Variants in RREB1 observed in about 807,000 individuals in gnomAD.
The protein encoded by RREB1 is ras-responsive element-binding protein 1.
A neutral mutation model predicts 117.8 loss-of-function variants in RREB1; 27 were observed. That is an observed-to-expected ratio of 0.23 (90% CI 0.17 to 0.32). The LOEUF (loss-of-function observed/expected upper bound fraction) is 0.32. Ranked by LOEUF, RREB1 falls within the 10% of genes least tolerant of loss-of-function variation. The pLI is 1.00. For missense variants in RREB1, 2,577 were observed against 2,378.2 expected, an observed-to-expected ratio of 1.08 and a Z score of -1.74; for synonymous variants, 1,298 against 1,026.7, an observed-to-expected ratio of 1.26 and a Z score of -5.05.
Position 7,210,904 on chromosome 6 carries a change from C to G in RREB1, c.526C>G (p.His176Asp). 2 of 1,614,168 alleles carry G rather than the reference C, an allele frequency of 1.2e-6. No homozygotes were observed. The highest frequency in any genetic ancestry group is 1.7e-6 in the Non-Finnish European group (2 of 1,180,020). Reference protein sequence around the residue: ...RRLSSKRKLSHDAESEREDPA... With the variant: ...RRLSSKRKLSDDAESEREDPA... The stretch of plus-strand genomic sequence containing the variant: ...ATTGTCCTCCAAGAGGAAACTGAGT[C>G]ACGATGCCGAGTCAGAGAGAGAAGA... Residue 176 changes from histidine (H) to aspartate (D), a missense_variant, in exon 7 of 13, where the codon CAC (histidine) becomes GAC (aspartate). Transcript: ENST00000379938.
chr6:7,200,267 TG>T (rs1561776924), intron 6 of RREB1, among the ~76,000 whole-genome samples: 11 of 138,552 alleles, frequency 7.9e-5, no homozygotes, highest in East Asian at 2.2e-4. Context: ...TGTGTGTGTG[TG>T]TGTGTGTGTG....
At position 7,249,146 on chromosome 6, in the gene RREB1, C is replaced by T. The variant is rs529714355; in HGVS notation, c.*178C>T. ...TGCTCGCTCAGTGCCATAGCCTTAC[C>T]GCAGCCTGCGCGGGAGGCCACAGCC... On this transcript the variant is annotated 3_prime_UTR_variant, in exon 13 of 13. Transcript: ENST00000379938. 6.2e-5 allele frequency: 36 copies of T among 579,882 alleles called. No homozygotes were observed. The highest frequency in any genetic ancestry group is 2.8e-4 in the Admixed American group (8 of 28,634). 35.9% of individuals were successfully genotyped at this position (579,882 alleles called of 1,614,324 possible). A position where few individuals can be genotyped will look rare whatever the true frequency, so the allele number is the denominator to read the frequency against.
chr6:7,112,327 C>G (rs1054266164), intron 1 of RREB1, among the ~76,000 whole-genome samples: 1 of 152,110 alleles, frequency 6.6e-6, no homozygotes, highest in Non-Finnish European at 1.5e-5. Context: ...GAATGGTAAG[C>G]CTGTTGTAAG....
rs773491966 is a variant in RREB1 at position 7,231,922 on chromosome 6, G to A, written c.3808+15G>A. The A allele has an allele frequency of 1.4e-4, 221 of 1,565,554 alleles. No homozygotes were observed. Among genetic ancestry groups the A allele is most frequent in the Admixed American group, 9.1e-4 (51 of 56,092 alleles). On this transcript the variant is annotated intron_variant, in intron 10 of 12. Coordinates refer to ENST00000379938, the MANE Select transcript of RREB1 (RefSeq NM_001003699.4). ...CACACACACTGGTAAGAGGGCCACC[G>A]GGCTCCCAGGCAGTGAGTCCTACTT...
chr6:7,249,087 G>C lies in RREB1; in HGVS notation c.*119G>C. 6 of 790,034 alleles carry C rather than the reference G, an allele frequency of 7.6e-6. No homozygotes were observed. Among genetic ancestry groups the C allele is most frequent in the Non-Finnish European group, 9.7e-6 (5 of 517,854 alleles). 48.9% of individuals were successfully genotyped at this position (790,034 alleles called of 1,614,324 possible). On this transcript the variant is annotated 3_prime_UTR_variant, in exon 13 of 13. Coordinates refer to ENST00000379938, the MANE Select transcript of RREB1 (RefSeq NM_001003699.4). ...TGAGAGAGAGAGAGAGAGAGAGAGA[G>C]AGAGAGAGAGAGAGAGACAAGCAGG...
intron 1 of RREB1, among the ~76,000 whole-genome samples, chr6:7,111,023 A>T (rs920473803): frequency 1.3e-5 from 2 of 152,138 alleles, no homozygotes; most frequent in African/African-American, 4.8e-5. Context: ...CCAACAAGCG[A>T]CCTTTTGATT....
At chr6:7,225,048 CT>C (rs2113083498) in intron 8 of RREB1, among the ~76,000 whole-genome samples, 1 of 152,338 alleles carries the variant, frequency 6.6e-6, no homozygotes, top group South Asian at 2.1e-4. Flanking sequence ...CCTTTCAGTG[CT>C]TCCTGAAAGT....
rs1764775590 is a variant in RREB1 at position 7,181,187 on chromosome 6, G to A, written c.-102G>A. 1 of 398,694 alleles carries A rather than the reference G, an allele frequency of 2.5e-6. No homozygotes were observed. Among genetic ancestry groups the A allele is most frequent in the East Asian group, 3.6e-5 (1 of 28,082 alleles). 24.7% of individuals were successfully genotyped at this position (398,694 alleles called of 1,614,324 possible). A position where few individuals can be genotyped will look rare whatever the true frequency, so the allele number is the denominator to read the frequency against. ...AACACAGACTCATTTTCTACTCCGT[G>A]TGAATGATAGCTACAGCAGGGGAAA... On this transcript the variant is annotated 5_prime_UTR_variant, in exon 3 of 13. It adds an upstream start codon to the 5' untranslated region. Coordinates refer to ENST00000379938, the MANE Select transcript of RREB1 (RefSeq NM_001003699.4).
intron 6 of RREB1, among the ~76,000 whole-genome samples, chr6:7,192,629 T>A (rs1765470604): frequency 6.6e-6 from 1 of 152,234 alleles, no homozygotes; most frequent in Non-Finnish European, 1.5e-5. Flanking sequence ...ATTCTGTAGT[T>A]AGTAATAATT....
chr6:7,166,779 C>G (rs1367450308), intron 1 of RREB1, among the ~76,000 whole-genome samples: 1 of 152,174 alleles, frequency 6.6e-6, no homozygotes, highest in Non-Finnish European at 1.5e-5. Context: ...AAATCACCTG[C>G]CCTGGGATTG....
rs939140515 is a variant in RREB1, at chr6:7,251,168, G to C, written c.*2200G>C. ...ACGTGTGTAGCTGGGGCTGCCGCTCGCAATAATCACTATTGATTTAAAGCT... is the reference window on the plus strand; with the variant it reads ...ACGTGTGTAGCTGGGGCTGCCGCTCCCAATAATCACTATTGATTTAAAGCT... On this transcript the variant is annotated 3_prime_UTR_variant, in exon 13 of 13. Coordinates refer to ENST00000379938, the MANE Select transcript of RREB1 (RefSeq NM_001003699.4). 1 of 152,048 alleles carries C rather than the reference G, an allele frequency of 6.6e-6. No homozygotes were observed. The highest frequency in any genetic ancestry group is 1.5e-5 in the Non-Finnish European group (1 of 68,006). 9.4% of individuals were successfully genotyped at this position (152,048 alleles called of 1,614,324 possible). A position where few individuals can be genotyped will look rare whatever the true frequency, so the allele number is the denominator to read the frequency against.
At position 7,231,514 on chromosome 6, in the gene RREB1, G is replaced by A. The variant is rs1767975717; in HGVS notation, c.3415G>A (p.Ala1139Thr). Residue 1139 changes from alanine (A) to threonine (T), a missense_variant, in exon 10 of 13, where the codon GCC becomes ACC. Ala to Thr is a moderately conservative substitution (Grantham distance 58, BLOSUM62 0). Coordinates refer to ENST00000379938, the MANE Select transcript of RREB1 (RefSeq NM_001003699.4). ...CGCTCCAGCCAGCAGCCCAGAGGCT[G>A]CCTCTCCCACCGAGCAGGGCCCAGC... The part of the protein sequence containing the change: ...PPAPASSPEA[A>T]SPTEQGPAGT... 6.2e-7 allele frequency: 1 copy of A among 1,609,194 alleles called. No homozygotes were observed. The highest frequency in any genetic ancestry group is 8.5e-7 in the Non-Finnish European group (1 of 1,177,782).
At chr6:7,168,505 C>G (rs1764068100) in intron 1 of RREB1, among the ~76,000 whole-genome samples, 1 of 152,180 alleles carries the variant, frequency 6.6e-6, no homozygotes, top group African/African-American at 2.4e-5. Flanking sequence ...TACCCACCCT[C>G]TGCTTGAAGA....
chr6:7,227,773 A>G (rs889320865), intron 9 of RREB1, among the ~76,000 whole-genome samples: 1 of 152,120 alleles, frequency 6.6e-6, no homozygotes, highest in Non-Finnish European at 1.5e-5. Flanking sequence ...TGCTAAAACT[A>G]CTTTGAAACT....
At chr6:7,145,175 T>C (rs1003917253) in intron 1 of RREB1, among the ~76,000 whole-genome samples, 2 of 152,206 alleles carry the variant, frequency 1.3e-5, no homozygotes, top group African/African-American at 4.8e-5. Context: ...GCTTGTGTGT[T>C]AGTGCTTCCA....
At chr6:7,204,153 C>G (rs1766140616) in intron 6 of RREB1, among the ~76,000 whole-genome samples, 1 of 152,164 alleles carries the variant, frequency 6.6e-6, no homozygotes, top group Non-Finnish European at 1.5e-5. Flanking sequence ...CATTGTCTAA[C>G]CTTCCTCCAC....
rs1491470523 is a variant in RREB1, at chr6:7,172,692, G to GTGT, written c.-284-3963_-284-3962insTGT. On this transcript the variant is annotated intron_variant, in intron 1 of 12. Coordinates refer to ENST00000379938, the MANE Select transcript of RREB1 (RefSeq NM_001003699.4). ...TGTGCCAGCCACGGGTTGCCGGTGT[G>GTGT]GGGGGGTGGGGGTGACTTTCTTGGG... 5.9e-3 allele frequency among the ~76,000 whole-genome samples: 793 copies of GTGT among 135,070 alleles called. 8 individuals are homozygous for GTGT. Among genetic ancestry groups the GTGT allele is most frequent in the African/African-American group, 0.021 (753 of 35,480 alleles). The allele number at this position is 135,070 out of a possible 152,430, so 88.6% of individuals were successfully genotyped here.
chr6:7,218,473 C>G (rs907914956), intron 8 of RREB1: 25 of 151,400 alleles, frequency 1.7e-4, no homozygotes, highest in African/African-American at 5.8e-4. Flanking sequence ...TGTTTAGCCA[C>G]AAGGTTAAGA....
At chr6:7,184,307 G>A (rs551049334) in intron 4 of RREB1, among the ~76,000 whole-genome samples, 1 of 150,466 alleles carries the variant, frequency 6.6e-6, no homozygotes, top group South Asian at 2.1e-4. Flanking sequence ...TTAAAATAGA[G>A]ACAGGGTCTC....
Sources: allele counts gnomAD v4.1 joint callset (sites outside exome capture counted in the v4.1 genomes callset), GRCh38; gene constraint gnomAD v4.1.1; transcripts MANE v1.5; gene names NCBI Gene and HGNC (gene_info 2026-07-23, HGNC 2026-07-21).